The following RHBDD1 variants were observed in gnomAD, a reference collection of about 807,000 sequenced individuals.
RHBDD1 encodes the protein rhomboid domain containing 1.
A neutral mutation model predicts 36.3 loss-of-function variants in RHBDD1; 38 were observed. The ratio of observed to expected loss-of-function variants is 1.05; its 90% CI spans 0.81 to 1.37. RHBDD1 has a LOEUF of 1.37. RHBDD1 is among the 40% of genes most tolerant of loss of function. The pLI is 0.00. For synonymous variants in RHBDD1, 151 were observed against 136.5 expected (o/e 1.11, Z -0.74); for missense variants, 393 against 377.6 (o/e 1.04, Z -0.34).
chr2:226,899,331 T>A (rs1947394491), intron 5 of RHBDD1, among the ~76,000 whole-genome samples: 1 of 152,244 alleles, frequency 6.6e-6, no homozygotes, highest in African/African-American at 2.4e-5. Context: ...CTACTATCAC[T>A]ATCCCATATA....
chr2:226,876,476 T>A (rs1458465341), intron 5 of RHBDD1, among the ~76,000 whole-genome samples: 3 of 152,206 alleles, frequency 2.0e-5, no homozygotes, highest in Non-Finnish European at 2.9e-5. Flanking sequence ...TTATCACATA[T>A]CATCCTTATA....
At chr2:226,867,490 T>C in intron 5 of RHBDD1, 172 bp downstream of exon 5, 1 of 825,420 alleles carries the variant, frequency 1.2e-6, no homozygotes, top group South Asian at 5.6e-5. Context: ...GGTTTGAATC[T>C]TTTCAACTAT....
At position 226,881,291 on chromosome 2, in the gene RHBDD1, G is replaced by C. The variant is rs574767253; in HGVS notation, c.566+13973G>C. Among the ~76,000 whole-genome samples, 90 of 152,296 alleles carry C rather than the reference G, an allele frequency of 5.9e-4. No homozygotes were observed. The Middle Eastern group carries it at 0.017, about 29-fold the overall frequency. ...GATGAGATTTGGGTGGGGACACAAAGCCTAACCACATCACTGCCCAATCTC... is the reference window on the plus strand; with the variant it reads ...GATGAGATTTGGGTGGGGACACAAACCCTAACCACATCACTGCCCAATCTC... On this transcript the variant is annotated intron_variant, in intron 5 of 8. Transcript: ENST00000392062.
At chr2:226,838,602 G>A (rs766098505) in intron 2 of RHBDD1, among the ~76,000 whole-genome samples, 1 of 152,146 alleles carries the variant, frequency 6.6e-6, no homozygotes, top group African/African-American at 2.4e-5. Flanking sequence ...CTCAGTAAAT[G>A]TTGTGTGTCG....
chr2:226,879,117 A>G (rs1257272364), intron 5 of RHBDD1, among the ~76,000 whole-genome samples: 1 of 151,732 alleles, frequency 6.6e-6, no homozygotes, highest in Non-Finnish European at 1.5e-5. Flanking sequence ...AGTGTTACAT[A>G]TAGAAAGGGT....
chr2:226,980,733 C>A (rs1955534184), intron 8 of RHBDD1, among the ~76,000 whole-genome samples: 1 of 152,156 alleles, frequency 6.6e-6, no homozygotes, highest in Non-Finnish European at 1.5e-5. Flanking sequence ...GCAACATATT[C>A]CTCTTCCCTT....
At chr2:226,934,117 CA>C (rs1483162691) in intron 8 of RHBDD1, among the ~76,000 whole-genome samples, 1 of 152,100 alleles carries the variant, frequency 6.6e-6, no homozygotes, top group Non-Finnish European at 1.5e-5. Context: ...TTTCGCTCAG[CA>C]ACAGACCACA....
At chr2:226,929,406 A>T (rs1337987840) in intron 8 of RHBDD1, among the ~76,000 whole-genome samples, 3 of 152,094 alleles carry the variant, frequency 2.0e-5, no homozygotes, top group Admixed American at 6.6e-5. Flanking sequence ...AAACCATATG[A>T]TCATCTCAAT....
At chr2:226,976,113 A>G (rs1448039262) in intron 8 of RHBDD1, among the ~76,000 whole-genome samples, 1 of 151,516 alleles carries the variant, frequency 6.6e-6, no homozygotes, top group Non-Finnish European at 1.5e-5. Context: ...AGTTTTTGGT[A>G]CTAGGGACAC....
intron 8 of RHBDD1, among the ~76,000 whole-genome samples, chr2:226,936,376 A>G (rs895049527): frequency 4.6e-5 from 7 of 152,148 alleles, no homozygotes; most frequent in African/African-American, 9.6e-5. Context: ...ATTAGGTTCA[A>G]TAATTTAAAA....
At chr2:226,853,578 TG>T (rs917676521) in intron 3 of RHBDD1, among the ~76,000 whole-genome samples, 6 of 152,236 alleles carry the variant, frequency 3.9e-5, no homozygotes, top group Non-Finnish European at 7.3e-5. Context: ...CTCCAGCTTC[TG>T]GGCATCATCA....
chr2:226,978,642 C>T (rs1955023122), intron 8 of RHBDD1, among the ~76,000 whole-genome samples: 1 of 152,162 alleles, frequency 6.6e-6, no homozygotes, highest in Admixed American at 6.5e-5. Context: ...CTGTCCTTGC[C>T]CCCATGGAGC....
At chr2:226,832,745 C>T (rs1355760372), upstream of RHBDD1, among the ~76,000 whole-genome samples, 2 of 152,156 alleles carry the variant, frequency 1.3e-5, no homozygotes, top group East Asian at 1.9e-4. Context: ...CAGCCAGACG[C>T]GCTGGCCTGT....
chr2:226,816,520 A>T, the RHBDD1 span, among the ~76,000 whole-genome samples: 70 of 152,312 alleles, frequency 4.6e-4, no homozygotes, highest in African/African-American at 1.6e-3. Context: ...ACTTATGGTC[A>T]AAGTTAAGAA....
the RHBDD1 span, among the ~76,000 whole-genome samples, chr2:226,801,379 AAAG>A: frequency 6.6e-6 from 1 of 152,164 alleles, no homozygotes; most frequent in Non-Finnish European, 1.5e-5. Context: ...CGTAGTAAAA[AAAG>A]AAAAAGAAGA....
At position 226,997,440 on chromosome 2, in the gene RHBDD1, G is replaced by C. The variant is rs973217940; in HGVS notation, c.*1918G>C. On this transcript the variant is annotated 3_prime_UTR_variant, in exon 9 of 9. Coordinates refer to ENST00000392062, the MANE Select transcript of RHBDD1 (RefSeq NM_001167608.3). Reference sequence around the variant, plus strand: ...AGCTACACAAAGGTGTGCCTTCTACGTGGGAACATGGATTGTGAATGACTC... The same window carrying C: ...AGCTACACAAAGGTGTGCCTTCTACCTGGGAACATGGATTGTGAATGACTC... 1.3e-5 allele frequency: 2 copies of C among 152,118 alleles called. No homozygotes were observed. Among genetic ancestry groups the C allele is most frequent in the Non-Finnish European group, 2.9e-5 (2 of 68,026 alleles). 9.4% of individuals were successfully genotyped at this position (152,118 alleles called of 1,614,324 possible).
intron 5 of RHBDD1, among the ~76,000 whole-genome samples, chr2:226,883,898 T>C (rs1235860748): frequency 6.6e-6 from 1 of 152,220 alleles, no homozygotes; most frequent in Admixed American, 6.5e-5. Context: ...ATTACAAATG[T>C]AGCAATTATT....
chr2:226,888,920 A>G (rs1946462846), intron 5 of RHBDD1, among the ~76,000 whole-genome samples: 1 of 152,204 alleles, frequency 6.6e-6, no homozygotes, highest in African/African-American at 2.4e-5. Context: ...TTTAAGGTGT[A>G]TTTGCAGGAA....
upstream of RHBDD1, among the ~76,000 whole-genome samples, chr2:226,833,228 A>G (rs1217925862): frequency 2.0e-5 from 3 of 152,218 alleles, no homozygotes; most frequent in African/African-American, 7.2e-5. Flanking sequence ...AGTTTTACAC[A>G]TATTTTGGTA....
Sources: allele counts gnomAD v4.1 joint callset (sites outside exome capture counted in the v4.1 genomes callset), GRCh38; gene constraint gnomAD v4.1.1; transcripts MANE v1.5; gene names NCBI Gene and HGNC (gene_info 2026-07-23, HGNC 2026-07-21).